DBH: variants seen among roughly 807,000 people sequenced by gnomAD.
DBH encodes dopamine beta-hydroxylase (dopamine beta-monooxygenase).
Under a neutral mutation model 64.0 loss-of-function variants are expected in DBH, and 49 were observed. That is an observed-to-expected ratio of 0.77 (90% confidence interval 0.61 to 0.97). The LOEUF (loss-of-function observed/expected upper bound fraction) is 0.97. DBH is among the 50% of genes least tolerant of loss of function. DBH has a pLI of 0.00. For missense variants in DBH, 828 were observed against 826.6 expected (o/e 1.00, Z -0.02); for synonymous variants, 343 against 347.1 (o/e 0.99, Z 0.13).
Position 133,636,707 on chromosome 9 carries a change from T to C in DBH, c.336T>C (p.Phe112=), listed in dbSNP as rs150800313. The C allele has an allele frequency of 1.2e-6, 2 of 1,601,556 alleles. No individual in the cohort carries two copies. The highest frequency in any genetic ancestry group is 1.3e-5 in the African/African-American group (1 of 75,032). ...VLWTDGDTAY[F]ADAWSDQKGQ... ...GGACCGATGGGGACACTGCCTATTT[T>C]GCGGTGAGTCTCTCCTCCCTGCCAG... Residue 112 remains phenylalanine, a synonymous_variant, in exon 1 of 12, where the codon TTT becomes TTC. Transcript: ENST00000393056.
At chr9:133,650,551 C>CTTTT (rs5901024) in intron 6 of DBH, among the ~76,000 whole-genome samples, 18 of 112,380 alleles carry the variant, frequency 1.6e-4, no homozygotes, top group Non-Finnish European at 2.4e-4. Context: ...TCCTTCCTTT[C>CTTTT]TTTTTTTTTT....
chr9:133,639,889 A>G lies in DBH; in HGVS notation c.383A>G (p.Gln128Arg). The G allele has an allele frequency of 1.2e-6, 2 of 1,613,084 alleles. No individual in the cohort carries two copies. Among genetic ancestry groups the G allele is most frequent in the Non-Finnish European group, 1.7e-6 (2 of 1,179,728 alleles). Residue 128 changes from glutamine to arginine, a missense_variant, in exon 2 of 12, where the codon CAG becomes CGG. Physicochemically the swap from Gln to Arg is conservative, Grantham distance 43. Coordinates refer to ENST00000393056, the MANE Select transcript of DBH (RefSeq NM_000787.4). ...AAGGGGCAGATCCACCTGGATCCCC[A>G]GCAGGACTACCAGCTGCTGCAGGTG... ...DQKGQIHLDP[Q>R]QDYQLLQVQR...
intron 1 of DBH, among the ~76,000 whole-genome samples, chr9:133,637,053 G>A (rs1306609832): frequency 2.6e-5 from 4 of 152,140 alleles, no homozygotes; most frequent in African/African-American, 9.7e-5. Context: ...CAGACCCCAC[G>A]ACCCTCGGCC....
intron 9 of DBH, chr9:133,656,223 G>A (rs986942445): frequency 1.0e-5 from 4 of 388,496 alleles, no homozygotes; most frequent in African/African-American, 8.3e-5. Context: ...CTGAGACTCA[G>A]TTTCTGTACC....
intron 5 of DBH, among the ~76,000 whole-genome samples, chr9:133,644,707 T>C (rs890461699): frequency 1.3e-5 from 2 of 150,466 alleles, no homozygotes; most frequent in African/African-American, 4.9e-5. Context: ...AACAGGGAGG[T>C]GGTAGTAAAG....
chr9:133,637,617 C>T (rs3025385), intron 1 of DBH, among the ~76,000 whole-genome samples: 33,603 of 152,214 alleles, frequency 0.22, 4,539 homozygotes, highest in African/African-American at 0.39. Context: ...TGTGTCTGTG[C>T]GGAGCGGCCG....
intron 6 of DBH, among the ~76,000 whole-genome samples, chr9:133,648,853 A>T (rs1564211839): frequency 6.6e-6 from 1 of 152,146 alleles, no homozygotes; most frequent in Non-Finnish European, 1.5e-5. Context: ...TCAACTTTTC[A>T]CCAATAGAAA....
intron 5 of DBH, among the ~76,000 whole-genome samples, chr9:133,646,946 A>G (rs1319088929): frequency 1.3e-5 from 2 of 152,172 alleles, no homozygotes; most frequent in African/African-American, 4.8e-5. Flanking sequence ...CATAATCAGG[A>G]GACACAGTCT....
rs751571090 is a variant in DBH at position 133,647,962 on chromosome 9, G to GT, written c.1141_1142insT (p.Glu381ValfsTer196). The GT allele has an allele frequency of 6.2e-7, 1 of 1,613,986 alleles. No individual in the cohort carries two copies. Among genetic ancestry groups the GT allele is most frequent in the East Asian group, 2.2e-5 (1 of 44,880 alleles). The stretch of plus-strand genomic sequence containing the variant: ...GCCAGTGATGGCCATTCCACCACGG[G>GT]AGACCGCCTTCATCCTCACTGGCTA... On this transcript the variant is annotated frameshift_variant, in exon 6 of 12. Transcript: ENST00000393056. LOFTEE classifies it high-confidence loss of function.
At position 133,644,337 on chromosome 9, in the gene DBH, C is replaced by T; in HGVS notation, c.1024+17C>T. The T allele has an allele frequency of 6.3e-7, 1 of 1,593,700 alleles. No individual in the cohort carries two copies. The highest frequency in any genetic ancestry group is 8.6e-7 in the Non-Finnish European group (1 of 1,161,550). ...TGATAGAAGGTAGGCGGCTCTGCTG[C>T]CATCCTCCTCAGAAGCCCTAGGACT... On this transcript the variant is annotated intron_variant, in intron 5 of 11. Coordinates refer to ENST00000393056, the MANE Select transcript of DBH (RefSeq NM_000787.4).
At chr9:133,640,356 C>T (rs1231214245) in intron 2 of DBH, among the ~76,000 whole-genome samples, 1 of 152,218 alleles carries the variant, frequency 6.6e-6, no homozygotes, top group East Asian at 1.9e-4. Context: ...GGAGCCCAGG[C>T]GACCTGGCTT....
intron 9 of DBH, among the ~76,000 whole-genome samples, chr9:133,653,221 A>G (rs936418414): frequency 4.6e-5 from 7 of 152,154 alleles, no homozygotes; most frequent in African/African-American, 1.7e-4. Flanking sequence ...AGTCAGAGAC[A>G]CAGGCGGTGG....
intron 1 of DBH, 137 bp from the exon 2 acceptor site, chr9:133,639,709 A>C (rs896974107): frequency 1.1e-6 from 1 of 918,376 alleles, no homozygotes; most frequent in African/African-American, 1.6e-5. Flanking sequence ...GAACCCTCAG[A>C]TCCACAGGGA....
At chr9:133,646,958 C>G (rs544626987) in intron 5 of DBH, among the ~76,000 whole-genome samples, 2 of 152,136 alleles carry the variant, frequency 1.3e-5, no homozygotes, top group Non-Finnish European at 2.9e-5. Context: ...ACACAGTCTC[C>G]GTGACTCGAA....
Position 133,652,255 on chromosome 9 carries a change from A to T in DBH, c.1345A>T (p.Met449Leu). The part of the protein sequence containing the change: ...HYSPHFQEIR[M>L]LKKVVSVHPG... ...GCTCTGCCTGCCCCAGGAGATCCGC[A>T]TGTTGAAGAAGGTCGTGTCGGTCCA... is the stretch of plus-strand genomic sequence containing the variant. Residue 449 changes from methionine (M) to leucine (L), a missense_variant, in exon 8 of 12, where the codon ATG (methionine) becomes TTG (leucine). Physicochemically the swap from Met to Leu is conservative, Grantham distance 15. Transcript: ENST00000393056. 6.2e-7 allele frequency: 1 copy of T among 1,613,794 alleles called. No individual in the cohort carries two copies. Among genetic ancestry groups the T allele is most frequent in the South Asian group, 1.1e-5 (1 of 91,068 alleles).
At chr9:133,637,305 G>A (rs561773155) in intron 1 of DBH, among the ~76,000 whole-genome samples, 14 of 152,318 alleles carry the variant, frequency 9.2e-5, no homozygotes, top group African/African-American at 1.7e-4. Context: ...ACTCCTTTCC[G>A]TCCAAATTTA....
intron 5 of DBH, among the ~76,000 whole-genome samples, chr9:133,645,263 G>C (rs1295406346): frequency 6.6e-6 from 1 of 150,798 alleles, no homozygotes; most frequent in Admixed American, 6.6e-5. Flanking sequence ...TTTCCTGGCT[G>C]CATAAGTAAT....
rs545550715 is a variant in DBH at position 133,659,246 on chromosome 9, C to A, written c.*799C>A. On this transcript the variant is annotated 3_prime_UTR_variant, in exon 12 of 12. Transcript: ENST00000393056. ...TGCCTTGGGCGGGCCATTTCACATT[C>A]CTGACCCTCACTTTTCTCATCTGTA... 1.3e-5 allele frequency: 2 copies of A among 152,452 alleles called. No individual in the cohort carries two copies. The highest frequency in any genetic ancestry group is 2.9e-5 in the Non-Finnish European group (2 of 68,130). The allele number at this position is 152,452 out of a possible 1,614,324, so 9.4% of individuals were successfully genotyped here. A position where few individuals can be genotyped will look rare whatever the true frequency, so the allele number is the denominator to read the frequency against.
intron 1 of DBH, among the ~76,000 whole-genome samples, chr9:133,637,124 T>C (rs1564207241): frequency 6.6e-6 from 1 of 152,088 alleles, no homozygotes; most frequent in South Asian, 2.1e-4. Flanking sequence ...GTGGGCCAGG[T>C]GGTGGCGCGT....
Sources: allele counts gnomAD v4.1 joint callset (sites outside exome capture counted in the v4.1 genomes callset), GRCh38; gene constraint gnomAD v4.1.1; transcripts MANE v1.5; gene names NCBI Gene and HGNC (gene_info 2026-07-23, HGNC 2026-07-21).